Variants in MEGF11 observed in about 807,000 individuals in gnomAD.
MEGF11 encodes the protein multiple epidermal growth factor-like domains protein 11.
A neutral mutation model predicts 146.6 loss-of-function variants in MEGF11; 126 were observed. The observed-to-expected ratio is 0.86, with a 90% CI of 0.74 to 1.00. The LOEUF is 1.00. MEGF11 is among the 50% of genes least tolerant of loss of function. The pLI, the probability that MEGF11 is intolerant of heterozygous loss-of-function variation, is 0.00. For missense variants in MEGF11, 1,509 were observed against 1,521.2 expected, an observed-to-expected ratio of 0.99 and a Z score of 0.13; for synonymous variants, 532 against 583.4, an observed-to-expected ratio of 0.91 and a Z score of 1.27.
intron 1 of MEGF11, among the ~76,000 whole-genome samples, chr15:66,128,908 G>A (rs2088519986): frequency 6.6e-6 from 1 of 152,148 alleles, no homozygotes; most frequent in African/African-American, 2.4e-5. Context: ...GGGGAAATGA[G>A]CCAAGAAAAC....
chr15:66,060,405 C>T (rs569502965), intron 5 of MEGF11, among the ~76,000 whole-genome samples: 1 of 152,338 alleles, frequency 6.6e-6, no homozygotes, highest in South Asian at 2.1e-4. Context: ...AGAACTAGCT[C>T]AGTACCCAGC....
Position 65,912,151 on chromosome 15 carries a change from G to A in MEGF11, c.2760C>T (p.Tyr920=). Residue 920 remains tyrosine, a synonymous_variant, in exon 21 of 26, where the codon TAC becomes TAT. Coordinates refer to ENST00000395614, the MANE Select transcript of MEGF11 (RefSeq NM_001385028.1). The part of the protein sequence containing the change: ...SHAHCFSNSS[Y]HALACGGPAT... The stretch of plus-strand genomic sequence containing the variant: ...CAGGCCCCCCACATGCCAGTGCGTG[G>A]TAGCTGGAATTGGAAAAGCAGTGGG... 8.1e-7 allele frequency: 1 copy of A among 1,232,242 alleles called. No individual in the cohort carries two copies. The highest frequency in any genetic ancestry group is 1.6e-5 in the African/African-American group (1 of 64,508). The allele number at this position is 1,232,242 out of a possible 1,614,324, so 76.3% of individuals were successfully genotyped here. A position where few individuals can be genotyped will look rare whatever the true frequency, so the allele number is the denominator to read the frequency against.
At chr15:65,988,153 G>A (rs1189402938) in intron 5 of MEGF11, among the ~76,000 whole-genome samples, 4 of 152,022 alleles carry the variant, frequency 2.6e-5, no homozygotes, top group East Asian at 3.9e-4. Flanking sequence ...GACTACAGGC[G>A]TGCATCATTA....
At chr15:66,105,866 T>C (rs144281284) in intron 4 of MEGF11, among the ~76,000 whole-genome samples, 90 of 152,328 alleles carry the variant, frequency 5.9e-4, no homozygotes, top group African/African-American at 2.0e-3. Flanking sequence ...CTATAGTCCC[T>C]GCACCTGGCC....
At chr15:65,984,897 T>G (rs2081799421) in intron 5 of MEGF11, among the ~76,000 whole-genome samples, 2 of 151,852 alleles carry the variant, frequency 1.3e-5, no homozygotes, top group African/African-American at 2.4e-5. Context: ...GCCTCCCGAG[T>G]AGCTGGGATT....
chr15:65,995,102 G>A (rs540683497), intron 5 of MEGF11, among the ~76,000 whole-genome samples: 19 of 152,296 alleles, frequency 1.2e-4, no homozygotes, highest in African/African-American at 4.3e-4. Context: ...CTTGAAGGAG[G>A]AACGGGATTC....
At chr15:66,076,037 A>C (rs566105594) in intron 5 of MEGF11, among the ~76,000 whole-genome samples, 45 of 152,350 alleles carry the variant, frequency 3.0e-4, no homozygotes, top group African/African-American at 1.0e-3. Flanking sequence ...GGGCTTAAGA[A>C]ATGTCTGCTG....
intron 10 of MEGF11, among the ~76,000 whole-genome samples, chr15:65,941,736 T>C (rs142200075): frequency 1.3e-5 from 2 of 152,378 alleles, no homozygotes; most frequent in African/African-American, 4.8e-5. Context: ...GAGGTATTTG[T>C]ACTTTACTAG....
At position 65,968,010 on chromosome 15, in the gene MEGF11, G is replaced by A. The variant is rs148352708; in HGVS notation, c.899+2543C>T. ...AGTGAGGCAACTGCTCCAAGCTCAC[G>A]CAGCCTGCATGTGGCTAAGATGACC... On this transcript the variant is annotated intron_variant, in intron 8 of 25. Transcript: ENST00000395614. Among the ~76,000 whole-genome samples, 774 of 152,276 alleles carry A rather than the reference G, an allele frequency of 5.1e-3. 4 individuals are homozygous for A. The highest frequency in any genetic ancestry group is 0.018 in the African/African-American group (729 of 41,544).
chr15:65,963,836 T>C (rs2080958439), intron 9 of MEGF11, among the ~76,000 whole-genome samples: 1 of 152,206 alleles, frequency 6.6e-6, no homozygotes, highest in African/African-American at 2.4e-5. Flanking sequence ...CTTGCCGACA[T>C]GCCTCTGCTT....
chr15:66,237,080 A>G (rs2092110162), intron 1 of MEGF11, among the ~76,000 whole-genome samples: 1 of 151,882 alleles, frequency 6.6e-6, no homozygotes, highest in Non-Finnish European at 1.5e-5. Flanking sequence ...CACCCATCAC[A>G]CCTCGTCACA....
At chr15:65,978,113 C>T (rs899486357) in intron 7 of MEGF11, among the ~76,000 whole-genome samples, 3 of 152,248 alleles carry the variant, frequency 2.0e-5, no homozygotes, top group African/African-American at 7.2e-5. Context: ...TCCAGTTCCA[C>T]ACAATGGCCT....
At chr15:66,206,708 G>A (rs2091309123) in intron 1 of MEGF11, among the ~76,000 whole-genome samples, 1 of 152,012 alleles carries the variant, frequency 6.6e-6, no homozygotes, top group African/African-American at 2.4e-5. Flanking sequence ...AGACAAGCCT[G>A]GGCAACATAG....
chr15:65,949,285 C>T (rs1301629259), intron 10 of MEGF11, among the ~76,000 whole-genome samples: 1 of 152,156 alleles, frequency 6.6e-6, no homozygotes, highest in African/African-American at 2.4e-5. Context: ...TCAATCACTG[C>T]TCCACTGATC....
At chr15:66,147,297 T>G (rs2089410397) in intron 1 of MEGF11, among the ~76,000 whole-genome samples, 1 of 152,166 alleles carries the variant, frequency 6.6e-6, no homozygotes, top group Non-Finnish European at 1.5e-5. Flanking sequence ...CCAGGGCCCT[T>G]GCCAGCCTCC....
intron 5 of MEGF11, among the ~76,000 whole-genome samples, chr15:66,072,649 C>T (rs2085416416): frequency 6.6e-6 from 1 of 152,230 alleles, no homozygotes; most frequent in African/African-American, 2.4e-5. Flanking sequence ...TACAAGTCCA[C>T]TTTACCTGAG....
chr15:66,036,455 A>G (rs907633529), intron 5 of MEGF11, among the ~76,000 whole-genome samples: 3 of 152,246 alleles, frequency 2.0e-5, no homozygotes, highest in African/African-American at 7.2e-5. Flanking sequence ...GCCACACAGC[A>G]TTCCACAGAA....
intron 5 of MEGF11, among the ~76,000 whole-genome samples, chr15:66,084,128 CCTAGG>C (rs1455902379): frequency 2.6e-5 from 4 of 152,148 alleles, no homozygotes; most frequent in Non-Finnish European, 5.9e-5. Context: ...CTACCACACA[CCTAGG>C]CTACACCATC....
chr15:65,913,334 A>G (rs770418705), intron 20 of MEGF11, among the ~76,000 whole-genome samples: 16 of 152,160 alleles, frequency 1.1e-4, no homozygotes, highest in Non-Finnish European at 1.8e-4. Context: ...TCACCAGGGA[A>G]ACAGAAATGG....
Sources: allele counts gnomAD v4.1 joint callset (sites outside exome capture counted in the v4.1 genomes callset), GRCh38; gene constraint gnomAD v4.1.1; transcripts MANE v1.5; gene names NCBI Gene and HGNC (gene_info 2026-07-23, HGNC 2026-07-21).